The following DPP10 variants were observed in gnomAD, a reference collection of about 807,000 sequenced individuals.
The protein encoded by DPP10 is dipeptidyl peptidase like 10, also known as inactive dipeptidyl peptidase 10.
DPP10 carries 33 observed loss-of-function variants against 120.9 expected under a neutral mutation model. The observed-to-expected ratio is 0.27, with a 90% CI of 0.21 to 0.37. The LOEUF (loss-of-function observed/expected upper bound fraction) is 0.37. Among genes scored for constraint, DPP10 ranks in the 10% least tolerant of loss-of-function variants. DPP10 has a pLI of 1.00. For synonymous variants in DPP10, 337 were observed against 326.1 expected, an observed-to-expected ratio of 1.03 and a Z score of -0.36; for missense variants, 816 against 942.8, an observed-to-expected ratio of 0.87 and a Z score of 1.76.
At chr2:115,572,770 T>TTA (rs1179782754) in intron 5 of DPP10, among the ~76,000 whole-genome samples, 1 of 152,184 alleles carries the variant, frequency 6.6e-6, no homozygotes. Context: ...ATCCATCACT[T>TTA]TATTAGAAAA....
chr2:115,518,822 G>A (rs1014401936), intron 4 of DPP10, among the ~76,000 whole-genome samples: 4 of 152,124 alleles, frequency 2.6e-5, no homozygotes, highest in African/African-American at 4.8e-5. Flanking sequence ...AACTCATACC[G>A]AAATTCTAAT....
At chr2:115,736,699 T>A (rs931853920) in intron 8 of DPP10, among the ~76,000 whole-genome samples, 4 of 152,242 alleles carry the variant, frequency 2.6e-5, no homozygotes, top group South Asian at 2.1e-4. Flanking sequence ...TGGCAAAAAA[T>A]TCACGTGCCA....
chr2:115,296,377 G>A (rs2060885420), intron 1 of DPP10, among the ~76,000 whole-genome samples: 1 of 152,024 alleles, frequency 6.6e-6, no homozygotes, highest in Non-Finnish European at 1.5e-5. Flanking sequence ...TTCGCCAATG[G>A]CTTTTTACTA....
chr2:115,610,790 G>C (rs2084044777), intron 5 of DPP10, among the ~76,000 whole-genome samples: 1 of 152,120 alleles, frequency 6.6e-6, no homozygotes, highest in African/African-American at 2.4e-5. Context: ...CTACCTTGGT[G>C]CAGGCAGAAG....
intron 5 of DPP10, among the ~76,000 whole-genome samples, chr2:115,645,932 TATC>T (rs2087206097): frequency 6.6e-6 from 1 of 152,124 alleles, no homozygotes; most frequent in African/African-American, 2.4e-5. Flanking sequence ...ACAACATAAA[TATC>T]ATAGACAGGA....
Position 115,335,363 on chromosome 2 carries a change from G to A in DPP10, c.176-8454G>A, listed in dbSNP as rs1289004684. On this transcript the variant is annotated intron_variant, in intron 2 of 25. Transcript: ENST00000410059. ...ATTTTTTTAATGTACATTAAAAACT[G>A]TAAATTTCTTAAGGAGGAAAGAAGA... is the stretch of plus-strand genomic sequence containing the variant. 5.3e-5 allele frequency among the ~76,000 whole-genome samples: 8 copies of A among 151,736 alleles called. No individual in the cohort carries two copies. In the Admixed American group the frequency reaches 5.3e-4, roughly 10 times the overall value.
At chr2:114,619,312 A>G (rs1266821772) in intron 1 of DPP10, among the ~76,000 whole-genome samples, 3 of 151,960 alleles carry the variant, frequency 2.0e-5, no homozygotes. Flanking sequence ...AAGCACAGAC[A>G]TATTTAAGTC....
At chr2:115,550,606 A>G (rs533489819) in intron 5 of DPP10, among the ~76,000 whole-genome samples, 15 of 152,220 alleles carry the variant, frequency 9.9e-5, no homozygotes, top group African/African-American at 3.4e-4. Context: ...TACAGTAGCC[A>G]TCTGCTTAGG....
At chr2:114,738,402 C>T (rs533530420) in intron 1 of DPP10, among the ~76,000 whole-genome samples, 20 of 152,292 alleles carry the variant, frequency 1.3e-4, no homozygotes, top group African/African-American at 4.8e-4. Flanking sequence ...TCTCTCACTG[C>T]TATGGGACAC....
intron 7 of DPP10, among the ~76,000 whole-genome samples, chr2:115,720,992 G>A (rs1025275806): frequency 2.0e-5 from 3 of 152,166 alleles, no homozygotes; most frequent in Non-Finnish European, 4.4e-5. Context: ...AGGGAAGAAG[G>A]TGAGAACTTC....
chr2:114,878,817 C>T (rs1157180196), intron 1 of DPP10, among the ~76,000 whole-genome samples: 1 of 152,034 alleles, frequency 6.6e-6, no homozygotes, highest in Admixed American at 6.6e-5. Context: ...GCCACATTTT[C>T]TTTATCCATT....
At chr2:114,683,394 G>C (rs1246353100) in intron 1 of DPP10, among the ~76,000 whole-genome samples, 1 of 151,750 alleles carries the variant, frequency 6.6e-6, no homozygotes, top group Non-Finnish European at 1.5e-5. Flanking sequence ...TTCTCACCCA[G>C]GCCCACTTTA....
At chr2:115,721,868 A>G (rs2092657789) in intron 7 of DPP10, among the ~76,000 whole-genome samples, 2 of 152,228 alleles carry the variant, frequency 1.3e-5, no homozygotes, top group Non-Finnish European at 2.9e-5. Context: ...GTCCATCAAC[A>G]GATAAATGGT....
intron 1 of DPP10, among the ~76,000 whole-genome samples, chr2:114,500,413 C>T (rs1246347528): frequency 6.6e-6 from 1 of 152,180 alleles, no homozygotes; most frequent in Non-Finnish European, 1.5e-5. Context: ...ACAATTTTCA[C>T]AACTTTACTT....
At chr2:114,986,629 T>A (rs964285418) in intron 1 of DPP10, among the ~76,000 whole-genome samples, 1 of 152,134 alleles carries the variant, frequency 6.6e-6, no homozygotes, top group African/African-American at 2.4e-5. Context: ...ATTACCAAAC[T>A]CATCATTTAA....
chr2:114,993,580 G>GTATATATATATATA (rs59593945), intron 1 of DPP10, among the ~76,000 whole-genome samples: 2,737 of 96,992 alleles, frequency 0.028, 104 homozygotes, highest in East Asian at 0.075. Flanking sequence ...GTGTGTGTGT[G>GTATATATATATATA]TATATATATA....
intron 1 of DPP10, among the ~76,000 whole-genome samples, chr2:115,027,912 T>G (rs1195007815): frequency 3.3e-5 from 5 of 152,096 alleles, no homozygotes; most frequent in Non-Finnish European, 7.4e-5. Context: ...GTTGTTCATA[T>G]GTCTCTAACG....
intron 1 of DPP10, among the ~76,000 whole-genome samples, chr2:114,676,958 A>G (rs781309391): frequency 2.6e-5 from 4 of 152,060 alleles, no homozygotes; most frequent in Non-Finnish European, 2.9e-5. Context: ...TTATTTTGTC[A>G]TACTCACTTA....
rs1444644428 is a variant in DPP10 at position 115,294,845 on chromosome 2, G to A, written c.61-14394G>A. ...GGCAATGATTTTACAGGAGGGAGAG[G>A]CATGAGGTTGGTTATCTCTTCCTGG... On this transcript the variant is annotated intron_variant, in intron 1 of 25. Transcript: ENST00000410059. 2.0e-5 allele frequency among the ~76,000 whole-genome samples: 3 copies of A among 151,988 alleles called. No individual in the cohort carries two copies. The East Asian group carries it at 5.8e-4, about 29-fold the overall frequency.
Sources: allele counts gnomAD v4.1 joint callset (sites outside exome capture counted in the v4.1 genomes callset), GRCh38; gene constraint gnomAD v4.1.1; transcripts MANE v1.5; gene names NCBI Gene and HGNC (gene_info 2026-07-23, HGNC 2026-07-21).